THOC7: variants seen among roughly 807,000 people sequenced by gnomAD.
THOC7 encodes NIF3L1-binding protein 1.
A neutral mutation model predicts 33.1 loss-of-function variants in THOC7; 22 were observed. That is an observed-to-expected ratio of 0.66 (90% confidence interval 0.47 to 0.95). The LOEUF (loss-of-function observed/expected upper bound fraction) is 0.95. Among genes scored for constraint, THOC7 ranks in the 40% least tolerant of loss-of-function variants. The pLI is 0.00. For missense variants in THOC7, 184 were observed against 245.3 expected (o/e 0.75, Z 1.67); for synonymous variants, 77 against 76.8 (o/e 1.00, Z -0.01).
intron 2 of THOC7, among the ~76,000 whole-genome samples, 174 bp downstream of exon 2, chr3:63,839,482 T>G (rs913289747): frequency 3.3e-5 from 5 of 152,194 alleles, no homozygotes; most frequent in Non-Finnish European, 5.9e-5. Flanking sequence ...AATAAACATA[T>G]GAGAGGCCTT....
chr3:63,854,196 G>A (rs546205696), intron 1 of THOC7, among the ~76,000 whole-genome samples: 2 of 152,316 alleles, frequency 1.3e-5, no homozygotes, highest in South Asian at 4.1e-4. Context: ...AGCTCCAACA[G>A]AAACAGAATA....
intron 1 of THOC7, chr3:63,844,878 C>A: frequency 2.0e-6 from 1 of 495,458 alleles, no homozygotes. Context: ...CCTTGGAAAA[C>A]AGAGTAAGAC....
At chr3:63,845,009 T>C in intron 1 of THOC7, 1 of 693,072 alleles carries the variant, frequency 1.4e-6, no homozygotes, top group Non-Finnish European at 2.6e-6. Context: ...TGTTGTAATT[T>C]TGTCTCTTGA....
At chr3:63,853,794 G>C (rs1271238105) in intron 1 of THOC7, among the ~76,000 whole-genome samples, 1 of 151,848 alleles carries the variant, frequency 6.6e-6, no homozygotes, top group African/African-American at 2.4e-5. Flanking sequence ...TGTAGTCCCA[G>C]CTATTCGGGA....
chr3:63,862,081 G>A (rs1266135464), intron 1 of THOC7, among the ~76,000 whole-genome samples: 1 of 152,076 alleles, frequency 6.6e-6, no homozygotes, highest in Non-Finnish European at 1.5e-5. Flanking sequence ...GTGAGCCACT[G>A]TGCCCGGCAT....
chr3:63,846,664 G>C (rs192131663), intron 1 of THOC7, among the ~76,000 whole-genome samples: 2 of 152,184 alleles, frequency 1.3e-5, no homozygotes, highest in Admixed American at 1.3e-4. Context: ...ACCCACCTCG[G>C]CCTCCTAAAG....
chr3:63,861,772 A>C (rs1476527923), intron 1 of THOC7: 4 of 149,390 alleles, frequency 2.7e-5, no homozygotes, highest in South Asian at 2.2e-4. Context: ...CATAACAGAG[A>C]CAGTGTGTAT....
intron 1 of THOC7, among the ~76,000 whole-genome samples, chr3:63,854,361 ATG>A (rs754335829): frequency 3.4e-4 from 52 of 152,322 alleles, no homozygotes; most frequent in South Asian, 3.3e-3. Flanking sequence ...CACTTAAAAT[ATG>A]TTTTGTTTAC....
intron 1 of THOC7, chr3:63,844,959 G>A: frequency 3.1e-6 from 2 of 641,274 alleles, no homozygotes; most frequent in Non-Finnish European, 5.7e-6. Context: ...TGTTGCCCAA[G>A]TCTAGAATCA....
intron 2 of THOC7, 116 bp downstream of exon 2, chr3:63,839,540 T>C (rs1701711861): frequency 2.4e-6 from 2 of 842,466 alleles, no homozygotes; most frequent in Non-Finnish European, 4.0e-6. Flanking sequence ...TAATTAAGAG[T>C]TGACTCCACT....
In THOC7 at chr3:63,838,469, C is replaced by T. The variant is rs200135935; in HGVS notation, c.168G>A (p.Thr56=). ...GYSQYQRMLS[T]LSQCEFSMGK... is the part of the protein sequence containing the mutation. ...CCATTGAAAATTCACATTGAGACAG[C>T]GTGCTCAGCATACGTTGGTACTGGC... Residue 56 remains threonine, a synonymous_variant, in exon 3 of 8, where the codon ACG becomes ACA. Transcript: ENST00000295899. The T allele has an allele frequency of 6.8e-5, 110 of 1,608,970 alleles. 2 individuals are homozygous for T. The highest frequency in any genetic ancestry group is 3.3e-4 in the Middle Eastern group (2 of 6,042).
chr3:63,838,479 A>T lies in THOC7; in HGVS notation c.158T>A (p.Met53Lys). 1.2e-6 allele frequency: 2 copies of T among 1,608,610 alleles called. No homozygotes were observed. Among genetic ancestry groups the T allele is most frequent in the East Asian group, 2.2e-5 (1 of 44,622 alleles). The change falls in exon 3 of 8, where the codon ATG (methionine) becomes AAG (lysine). Residue 53 changes from methionine (M) to lysine (K), a missense_variant. Coordinates refer to ENST00000295899, the MANE Select transcript of THOC7 (RefSeq NM_025075.4). Reference protein sequence around the residue: ...QEEGYSQYQRMLSTLSQCEFS... With the variant: ...QEEGYSQYQRKLSTLSQCEFS... ...TTCACATTGAGACAGCGTGCTCAGC[A>T]TACGTTGGTACTGGCTATATCTAAT...
At chr3:63,843,534 G>A (rs1033927408) in intron 1 of THOC7, among the ~76,000 whole-genome samples, 3 of 152,158 alleles carry the variant, frequency 2.0e-5, no homozygotes, top group Non-Finnish European at 4.4e-5. Context: ...GCACTCCAAC[G>A]TTTATAGCAG....
chr3:63,838,665 A>G lies in THOC7; in HGVS notation c.138-166T>C, dbSNP rs554487459. Among the ~76,000 whole-genome samples the G allele has an allele frequency of 2.0e-5, 3 of 152,312 alleles. No individual in the cohort carries two copies. The East Asian group carries it at 5.8e-4, about 29-fold the overall frequency. On this transcript the variant is annotated intron_variant, in intron 2 of 7. Coordinates refer to ENST00000295899, the MANE Select transcript of THOC7 (RefSeq NM_025075.4). ...TGTCCCTTAAGTTTTCTTTTTATCA[A>G]ATGTAGTATTCTTGAATTTAACTAC... is the stretch of plus-strand genomic sequence containing the variant.
intron 1 of THOC7, among the ~76,000 whole-genome samples, chr3:63,849,345 G>A (rs1271084598): frequency 1.3e-5 from 2 of 152,146 alleles, no homozygotes; most frequent in African/African-American, 2.4e-5. Context: ...CCAAGACTGC[G>A]TCACTGCCCT....
chr3:63,855,046 C>T (rs1702089296), intron 1 of THOC7, among the ~76,000 whole-genome samples: 1 of 151,832 alleles, frequency 6.6e-6, no homozygotes, highest in Middle Eastern at 3.2e-3. Context: ...CAGCAATTAA[C>T]TTCACGTATT....
rs773651052 is a variant in THOC7 at position 63,838,081 on chromosome 3, T to A, written c.266-19A>T. On this transcript the variant is annotated intron_variant, in intron 3 of 7. Coordinates refer to ENST00000295899, the MANE Select transcript of THOC7 (RefSeq NM_025075.4). ...CTACATTCTATATGAGAAGGTTTTT[T>A]AAAAGATAGTTGTAACAAAATCAAT... 2.5e-6 allele frequency: 4 copies of A among 1,568,900 alleles called. No homozygotes were observed. The highest frequency in any genetic ancestry group is 1.2e-5 in the South Asian group (1 of 84,786).
chr3:63,863,904 G>C, upstream of THOC7: 3 of 1,087,498 alleles, frequency 2.8e-6, no homozygotes, highest in Non-Finnish European at 3.4e-6. Flanking sequence ...AGGAGGAGGC[G>C]GCGGCGCCCG....
chr3:63,838,188 C>G, intron 3 of THOC7, 126 bp from the exon 4 acceptor site: 1 of 992,982 alleles, frequency 1.0e-6, no homozygotes, highest in Middle Eastern at 3.3e-4. Context: ...TAAAAAATAG[C>G]TGTAACCCAA....
Sources: gnomAD v4.1 joint callset for allele counts (sites outside exome capture counted in the v4.1 genomes callset) on GRCh38, gnomAD v4.1.1 for gene constraint, MANE v1.5 for transcripts, NCBI Gene and HGNC (gene_info 2026-07-23, HGNC 2026-07-21) for gene names.